SEPTIN4: variants seen among roughly 807,000 people sequenced by gnomAD.
SEPTIN4 encodes the protein septin 4.
SEPTIN4 carries 52 observed loss-of-function variants against 107.1 expected under a neutral mutation model. The ratio of observed to expected loss-of-function variants is 0.49; its 90% CI spans 0.39 to 0.61. SEPTIN4 has a LOEUF of 0.61. Ranked by LOEUF, SEPTIN4 falls within the 20% of genes least tolerant of loss-of-function variation. The probability of loss-of-function intolerance (pLI) is 0.00; values close to 1 mark genes in which losing one functional copy is unlikely to be tolerated. For missense variants in SEPTIN4, 1,048 were observed against 1,243.5 expected, an observed-to-expected ratio of 0.84 and a Z score of 2.36; for synonymous variants, 417 against 467.0, an observed-to-expected ratio of 0.89 and a Z score of 1.38.
At position 58,542,553 on chromosome 17, in the gene SEPTIN4, T is replaced by C. The variant is rs1598323295; in HGVS notation, c.1561+73A>G. 2.0e-6 allele frequency: 3 copies of C among 1,522,410 alleles called. No individual in the cohort carries two copies. In the African/African-American group the frequency reaches 4.2e-5, roughly 21 times the overall value. The allele number at this position is 1,522,410 out of a possible 1,614,324, so 94.3% of individuals were successfully genotyped here. On this transcript the variant is annotated intron_variant, in intron 1 of 13. Transcript: ENST00000672673. Reference sequence around the variant, plus strand: ...CCTTAGGCCCAGAATGAAGAGGTGGTCTTTCCTGCCCACCCCAACATCCCA... The same window carrying C: ...CCTTAGGCCCAGAATGAAGAGGTGGCCTTTCCTGCCCACCCCAACATCCCA...
Position 58,543,219 on chromosome 17 carries a change from G to T in SEPTIN4, c.968C>A (p.Thr323Asn), listed in dbSNP as rs758759278. ...VSSQVESNVR[T>N]PIRGNSEVGR... ...AACCTCGCTGTTTCCTCGGATTGGG[G>T]TCCTCACGTTGGACTCCACCTGTGA... Residue 323 changes from threonine to asparagine, a missense_variant, in exon 1 of 14, where the codon ACC becomes AAC. Physicochemically the swap from Thr to Asn is moderately conservative, Grantham distance 65. Around this residue, in one of 2 missense-constraint regions of SEPTIN4, gnomAD observed 787 missense variants for 871.8 expected, o/e 0.90. Transcript: ENST00000672673. 1.2e-6 allele frequency: 2 copies of T among 1,614,126 alleles called. No homozygotes were observed. The highest frequency in any genetic ancestry group is 1.7e-6 in the Non-Finnish European group (2 of 1,180,034).
chr17:58,541,548 A>C (rs2043875926), intron 2 of SEPTIN4: 1 of 357,088 alleles, frequency 2.8e-6, no homozygotes, highest in Non-Finnish European at 5.0e-6. Context: ...AAGAGCCCCC[A>C]GCCTGAATTA....
chr17:58,537,315 A>G (rs1423196030), intron 3 of SEPTIN4, among the ~76,000 whole-genome samples: 3 of 152,188 alleles, frequency 2.0e-5, no homozygotes, highest in Non-Finnish European at 4.4e-5. Flanking sequence ...TTCTTGAGAC[A>G]TGTGACTTTC....
intron 3 of SEPTIN4, among the ~76,000 whole-genome samples, chr17:58,540,443 T>C (rs998455336): frequency 6.6e-6 from 1 of 152,222 alleles, no homozygotes; most frequent in African/African-American, 2.4e-5. Flanking sequence ...TCTGGGGAGA[T>C]GCGGTTCCAC....
chr17:58,525,944 C>T, intron 5 of SEPTIN4, 163 bp from the exon 6 acceptor site: 1 of 862,510 alleles, frequency 1.2e-6, no homozygotes, highest in South Asian at 1.8e-5. Flanking sequence ...CAGAGATTGG[C>T]TTGGGGGAGC....
At chr17:58,535,817 G>A (rs971212274) in intron 3 of SEPTIN4, among the ~76,000 whole-genome samples, 18 of 152,174 alleles carry the variant, frequency 1.2e-4, no homozygotes, top group African/African-American at 4.3e-4. Flanking sequence ...GGGTGTCCAG[G>A]CCTCTGCCCC....
intron 7 of SEPTIN4, 89 bp from the exon 8 acceptor site, chr17:58,522,190 A>G (rs2042346792): frequency 6.5e-7 from 1 of 1,535,784 alleles, no homozygotes; most frequent in East Asian, 2.3e-5. Flanking sequence ...CCACTCCCTG[A>G]GCAGTGTTTT....
chr17:58,529,184 T>C (rs2043240133), intron 3 of SEPTIN4: 1 of 1,614,084 alleles, frequency 6.2e-7, no homozygotes, highest in African/African-American at 1.3e-5. Flanking sequence ...TGTCCCACGC[T>C]TCAGACTCCC....
In SEPTIN4 at chr17:58,542,958, G is replaced by C. The variant is rs1381556267; in HGVS notation, c.1229C>G (p.Pro410Arg). The change falls in exon 1 of 14, where the codon CCT (proline) becomes CGT (arginine). Residue 410 changes from proline to arginine, a missense_variant. By Grantham distance (103) the Pro-to-Arg change is moderately radical. This residue lies in a region of SEPTIN4 where 787 missense variants were observed against 871.8 expected (regional missense o/e 0.90). Transcript: ENST00000672673. ...PSIHAELELTPRPLPPRSLPR... is the reference protein window; with the variant it reads ...PSIHAELELTRRPLPPRSLPR... Reference sequence around the variant, plus strand: ...TAAGGACCGAGGAGGCAAGGGCCTAGGGGTCAGTTCCAGTTCTGCATGGAT... The same window carrying C: ...TAAGGACCGAGGAGGCAAGGGCCTACGGGTCAGTTCCAGTTCTGCATGGAT... 2 of 1,614,212 alleles carry C rather than the reference G, an allele frequency of 1.2e-6. No homozygotes were observed. Among genetic ancestry groups the C allele is most frequent in the Non-Finnish European group, 1.7e-6 (2 of 1,180,020 alleles).
intron 2 of SEPTIN4, among the ~76,000 whole-genome samples, chr17:58,540,984 C>T (rs2043862456): frequency 6.6e-6 from 1 of 152,186 alleles, no homozygotes; most frequent in Admixed American, 6.5e-5. Flanking sequence ...GGTAAAATAA[C>T]TTACCCAAGG....
At position 58,541,905 on chromosome 17, in the gene SEPTIN4, G is replaced by A; in HGVS notation, c.1606+17C>T. 6.2e-7 allele frequency: 1 copy of A among 1,614,072 alleles called. No homozygotes were observed. The highest frequency in any genetic ancestry group is 1.1e-5 in the South Asian group (1 of 91,076). ...CCAAGCTCCCACAGTGGGCCCATAG[G>A]AGGGAAAAGCACAGACCTTTTAGCC... On this transcript the variant is annotated intron_variant, in intron 2 of 13. Transcript: ENST00000672673.
In SEPTIN4 at chr17:58,521,789, GGA is replaced by G; in HGVS notation, c.2414_2415del (p.Ile805ThrfsTer3). ...ALHQRVNIVP[I>X]LAKADTLTPP... The stretch of plus-strand genomic sequence containing the variant: ...GGTGTCAGTGTGTCTGCCTTAGCCA[GGA>G]TAGGCACGATGTTGACCCGCTGATG... On this transcript the variant is annotated frameshift_variant, in exon 9 of 14. Transcript: ENST00000672673. LOFTEE classifies it high-confidence loss of function. The surrounding 1 kb of genome is among the most constrained non-coding windows in gnomAD (Gnocchi z 6.4). 1 of 1,614,226 alleles carries G rather than the reference GGA, an allele frequency of 6.2e-7. No homozygotes were observed. The highest frequency in any genetic ancestry group is 8.5e-7 in the Non-Finnish European group (1 of 1,180,040).
chr17:58,525,876 C>T, intron 5 of SEPTIN4, 95 bp from the exon 6 acceptor site: 1 of 1,098,626 alleles, frequency 9.1e-7, no homozygotes, highest in Non-Finnish European at 1.4e-6. Flanking sequence ...GGACTGCTTT[C>T]TTATCTAATT....
At chr17:58,537,377 A>G (rs1304241733) in intron 3 of SEPTIN4, among the ~76,000 whole-genome samples, 11 of 152,146 alleles carry the variant, frequency 7.2e-5, no homozygotes, top group Non-Finnish European at 1.6e-4. Flanking sequence ...TGGTCAACTT[A>G]CCCTGTCCCC....
Position 58,543,404 on chromosome 17 carries a change from CT to C in SEPTIN4, c.782del (p.Lys261ArgfsTer7). On this transcript the variant is annotated frameshift_variant, in exon 1 of 14. Coordinates refer to ENST00000672673, the MANE Select transcript of SEPTIN4 (RefSeq NM_001368771.2). LOFTEE classifies it high-confidence loss of function. ...CCAAGTTCATATTCCTATACAAGGC[CT>C]TGGGTTTTGAAGGAATTGGACCGTA... ...GPYGPIPSKP[K>X]ALYRNMNLDS... is the part of the protein sequence containing the mutation. The C allele has an allele frequency of 6.2e-7, 1 of 1,614,138 alleles. No individual in the cohort carries two copies. Among genetic ancestry groups the C allele is most frequent in the African/African-American group, 1.3e-5 (1 of 75,022 alleles).
chr17:58,524,357 G>A (rs1164994894), intron 7 of SEPTIN4, among the ~76,000 whole-genome samples: 1 of 152,132 alleles, frequency 6.6e-6, no homozygotes, highest in Non-Finnish European at 1.5e-5. Context: ...TTTAAACAAA[G>A]TTCCACCATT....
intron 6 of SEPTIN4, 157 bp from the exon 7 acceptor site, chr17:58,525,358 G>T: frequency 1.2e-6 from 1 of 865,762 alleles, no homozygotes. Flanking sequence ...CTGGGAACCA[G>T]CAAGGAGTAC....
At chr17:58,523,981 G>A (rs1417979094) in intron 7 of SEPTIN4, among the ~76,000 whole-genome samples, 1 of 152,126 alleles carries the variant, frequency 6.6e-6, no homozygotes, top group African/African-American at 2.4e-5. Flanking sequence ...CCTGGCAAAT[G>A]AAATTATTAG....
intron 3 of SEPTIN4, chr17:58,531,398 TC>T (rs2043450773): frequency 6.6e-6 from 1 of 152,114 alleles, no homozygotes; most frequent in Non-Finnish European, 1.5e-5. Flanking sequence ...GGGCTGGGCC[TC>T]CCCCTCTCTG....
Sources: gnomAD v4.1 joint callset for allele counts (sites outside exome capture counted in the v4.1 genomes callset) on GRCh38, gnomAD v4.1.1 for gene constraint, gnomAD v4.1.1 regional missense constraint, Gnocchi (gnomAD v3.1) non-coding constraint, MANE v1.5 for transcripts, NCBI Gene and HGNC (gene_info 2026-07-23, HGNC 2026-07-21) for gene names.